The following ZNF229 variants were observed in gnomAD, a reference collection of about 807,000 sequenced individuals.
The protein encoded by ZNF229 is zinc finger protein 229.
In ZNF229, 10 loss-of-function variants were observed where a neutral mutation model predicts 11.8. The observed-to-expected ratio is 0.85, with a 90% confidence interval of 0.52 to 1.44. The LOEUF (loss-of-function observed/expected upper bound fraction) is 1.44, where lower values mean the gene tolerates loss of function less well. ZNF229 is among the 40% of genes most tolerant of loss of function. ZNF229 has a pLI of 0.00. For synonymous variants in ZNF229, 368 were observed against 374.8 expected, an observed-to-expected ratio of 0.98 and a Z score of 0.21; for missense variants, 1,045 against 1,015.1, an observed-to-expected ratio of 1.03 and a Z score of -0.40.
Position 44,429,836 on chromosome 19 carries a change from G to A in ZNF229, c.945C>T (p.Pro315=). 1.2e-6 allele frequency: 2 copies of A among 1,613,956 alleles called. No individual in the cohort carries two copies. Among genetic ancestry groups the A allele is most frequent in the South Asian group, 2.2e-5 (2 of 91,072 alleles). ...SAHLNRHQRV[P]TGEKSVKSLE... ...GACTCTTAACAGATTTCTCTCCTGT[G>A]GGAACTCTTTGATGTCTGTTAAGAT... The change falls in exon 6 of 6, where the codon CCC becomes CCT. Residue 315 remains proline (P), a synonymous_variant. Transcript: ENST00000614049.
chr19:44,429,296 G>C lies in ZNF229; in HGVS notation c.1485C>G (p.Gly495=). Residue 495 remains glycine, a synonymous_variant, in exon 6 of 6, where the codon GGC becomes GGG. Coordinates refer to ENST00000614049, the MANE Select transcript of ZNF229 (RefSeq NM_014518.4). ...GGTACGAGTTGTGACTGAAACCTTTGCCACACTTGTCACACTGGTAGGGCC... is the reference window on the plus strand; with the variant it reads ...GGTACGAGTTGTGACTGAAACCTTTCCCACACTTGTCACACTGGTAGGGCC... ...GERPYQCDKC[G]KGFSHNSYLQ... 6.2e-7 allele frequency: 1 copy of C among 1,613,800 alleles called. No individual in the cohort carries two copies. The highest frequency in any genetic ancestry group is 1.7e-5 in the Admixed American group (1 of 59,996).
At chr19:44,435,256 T>C (rs907913811) in intron 4 of ZNF229, among the ~76,000 whole-genome samples, 1 of 152,210 alleles carries the variant, frequency 6.6e-6, no homozygotes, top group African/African-American at 2.4e-5. Flanking sequence ...AGCTAGAGTT[T>C]CATGGAGCTA....
rs1971584091 is a variant in ZNF229 at position 44,426,939 on chromosome 19, T to C, written c.*1364A>G. 6.6e-6 allele frequency: 1 copy of C among 151,920 alleles called. No individual in the cohort carries two copies. Among genetic ancestry groups the C allele is most frequent in the Non-Finnish European group, 1.5e-5 (1 of 68,012 alleles). 9.4% of individuals were successfully genotyped at this position (151,920 alleles called of 1,614,324 possible). On this transcript the variant is annotated 3_prime_UTR_variant, in exon 6 of 6. Transcript: ENST00000614049. ...CTAGGTAATTTGCAAAGGAAAGAGGTTTAACTCACACACAGTTCCACATGG... is the reference window on the plus strand; with the variant it reads ...CTAGGTAATTTGCAAAGGAAAGAGGCTTAACTCACACACAGTTCCACATGG...
intron 2 of ZNF229, among the ~76,000 whole-genome samples, chr19:44,444,415 CT>C (rs2047064565): frequency 6.6e-6 from 1 of 152,194 alleles, no homozygotes; most frequent in African/African-American, 2.4e-5. Context: ...AAGCATCTTT[CT>C]CTCTCCCTCC....
chr19:44,429,836 G>T lies in ZNF229; in HGVS notation c.945C>A (p.Pro315=). The T allele has an allele frequency of 3.7e-6, 6 of 1,613,956 alleles. No homozygotes were observed. The highest frequency in any genetic ancestry group is 5.1e-6 in the Non-Finnish European group (6 of 1,179,982). The change falls in exon 6 of 6, where the codon CCC becomes CCA. Residue 315 remains proline (P), a synonymous_variant. Transcript: ENST00000614049. The part of the protein sequence containing the change: ...SAHLNRHQRV[P]TGEKSVKSLE... ...GACTCTTAACAGATTTCTCTCCTGT[G>T]GGAACTCTTTGATGTCTGTTAAGAT...
chr19:44,435,119 C>T (rs1390449380), intron 4 of ZNF229, among the ~76,000 whole-genome samples: 2 of 152,122 alleles, frequency 1.3e-5, no homozygotes, highest in African/African-American at 2.4e-5. Flanking sequence ...TACCCAGTCT[C>T]GAGTATGTCT....
At chr19:44,442,788 C>G (rs781252894) in intron 3 of ZNF229, 26 bp downstream of exon 3, 1 of 1,569,514 alleles carries the variant, frequency 6.4e-7, no homozygotes, top group East Asian at 2.2e-5. Flanking sequence ...ATTCTCCCCC[C>G]ACCCACCCCC....
Position 44,426,693 on chromosome 19 carries a change from A to C in ZNF229, c.*1610T>G, listed in dbSNP as rs1435038766. 2.0e-5 allele frequency: 3 copies of C among 152,020 alleles called. No homozygotes were observed. The highest frequency in any genetic ancestry group is 4.8e-5 in the African/African-American group (2 of 41,260). 9.4% of individuals were successfully genotyped at this position (152,020 alleles called of 1,614,324 possible). ...ACATTTGCTATTTTAAAAATGTTTTAAATTTAAAAACTCCACCTTCTGCAT... is the reference window on the plus strand; with the variant it reads ...ACATTTGCTATTTTAAAAATGTTTTCAATTTAAAAACTCCACCTTCTGCAT... On this transcript the variant is annotated 3_prime_UTR_variant, in exon 6 of 6. Transcript: ENST00000614049.
rs954325034 is a variant in ZNF229 at position 44,445,826 on chromosome 19, G to C, written c.-178+1687C>G. ...AATAAATATTTAAATGGGAGAACGG[G>C]AGTAACCTGAACTCAGCTTGCTGAT... On this transcript the variant is annotated intron_variant, in intron 2 of 5. Coordinates refer to ENST00000614049, the MANE Select transcript of ZNF229 (RefSeq NM_014518.4). 2.0e-5 allele frequency among the ~76,000 whole-genome samples: 3 copies of C among 152,322 alleles called. No individual in the cohort carries two copies. In the East Asian group the frequency reaches 5.8e-4, roughly 29 times the overall value.
rs909702784 is a variant in ZNF229 at position 44,430,498 on chromosome 19, A to G, written c.283T>C (p.Leu95=). The change falls in exon 6 of 6, where the codon TTA becomes CTA. Residue 95 remains leucine (L), a synonymous_variant. Transcript: ENST00000614049. The part of the protein sequence containing the change: ...KDTEYIQDEE[L]RFFSHKELSS... Reference sequence around the variant, plus strand: ...AGCTCTTTGTGTGAAAAGAACCTTAATTCTTCATCTTGAATATACTCCGTA... The same window carrying G: ...AGCTCTTTGTGTGAAAAGAACCTTAGTTCTTCATCTTGAATATACTCCGTA... 2 of 1,614,066 alleles carry G rather than the reference A, an allele frequency of 1.2e-6. No homozygotes were observed. Among genetic ancestry groups the G allele is most frequent in the African/African-American group, 2.7e-5 (2 of 74,980 alleles).
intron 2 of ZNF229, among the ~76,000 whole-genome samples, chr19:44,446,784 T>C (rs1972010072): frequency 6.6e-6 from 1 of 152,198 alleles, no homozygotes; most frequent in African/African-American, 2.4e-5. Context: ...AGGTGACCTT[T>C]GGTTGCAAAA....
chr19:44,432,188 A>C, intron 5 of ZNF229, 34 bp downstream of exon 5: 1 of 1,588,338 alleles, frequency 6.3e-7, no homozygotes, highest in Non-Finnish European at 8.5e-7. Flanking sequence ...CTCTCCAGGA[A>C]CAAGAACACT....
In ZNF229 at chr19:44,428,360, A is replaced by G. The variant is rs1466040804; in HGVS notation, c.2421T>C (p.Tyr807=). ...TCGVCGKGFS[Y]TSGLRNHQRV... is the part of the protein sequence containing the mutation. ...TTTGGTGGTTCCGCAGACCTGAGGTATAACTGAAGCCTTTCCCACACACAC... is the reference window on the plus strand; with the variant it reads ...TTTGGTGGTTCCGCAGACCTGAGGTGTAACTGAAGCCTTTCCCACACACAC... Residue 807 remains tyrosine, a synonymous_variant, in exon 6 of 6, where the codon TAT becomes TAC. Transcript: ENST00000614049. The G allele has an allele frequency of 6.2e-7, 1 of 1,614,082 alleles. No homozygotes were observed. Among genetic ancestry groups the G allele is most frequent in the Non-Finnish European group, 8.5e-7 (1 of 1,179,982 alleles).
chr19:44,430,406 A>T lies in ZNF229; in HGVS notation c.375T>A (p.Asn125Lys). 2 of 1,614,062 alleles carry T rather than the reference A, an allele frequency of 1.2e-6. No homozygotes were observed. The highest frequency in any genetic ancestry group is 2.2e-5 in the South Asian group (2 of 91,076). ...AGAACTGGAAGTCTTTTCCTTGCAG[A>T]TTTACTCTACAGTCTTGGCTCCCAG... is the stretch of plus-strand genomic sequence containing the variant. ...ELPGSQDCRVNLQGKDFQFSE... is the reference protein window; with the variant it reads ...ELPGSQDCRVKLQGKDFQFSE... The change falls in exon 6 of 6, where the codon AAT becomes AAA. Residue 125 changes from asparagine to lysine, a missense_variant. By Grantham distance (94) the Asn-to-Lys change is moderately conservative. Transcript: ENST00000614049.
Position 44,429,218 on chromosome 19 carries a change from C to A in ZNF229, c.1563G>T (p.Val521=), listed in dbSNP as rs1971654465. 4 of 1,614,044 alleles carry A rather than the reference C, an allele frequency of 2.5e-6. No homozygotes were observed. The highest frequency in any genetic ancestry group is 3.4e-6 in the Non-Finnish European group (4 of 1,180,032). ...AGCTGTAACTGAAACTCTTACCACACACGTTACATTTGTACAGATGCTGCC... is the reference window on the plus strand; with the variant it reads ...AGCTGTAACTGAAACTCTTACCACAAACGTTACATTTGTACAGATGCTGCC... ...HMGQHLYKCN[V]CGKSFSYSSG... is the part of the protein sequence containing the mutation. The change falls in exon 6 of 6, where the codon GTG becomes GTT. Residue 521 remains valine (V), a synonymous_variant. Coordinates refer to ENST00000614049, the MANE Select transcript of ZNF229 (RefSeq NM_014518.4).
Position 44,429,042 on chromosome 19 carries a change from C to T in ZNF229, c.1739G>A (p.Gly580Asp). ...KPYKCSECGK[G>D]FRRNSDLHSH... ...GTGAAGGTCTGAATTCCGCCGGAAG[C>T]CCTTCCCACACTCACTGCATTTATA... is the stretch of plus-strand genomic sequence containing the variant. The change falls in exon 6 of 6, where the codon GGC (glycine) becomes GAC (aspartate). Residue 580 changes from glycine (G) to aspartate (D), a missense_variant. Coordinates refer to ENST00000614049, the MANE Select transcript of ZNF229 (RefSeq NM_014518.4). The T allele has an allele frequency of 1.2e-6, 2 of 1,613,892 alleles. No individual in the cohort carries two copies. Among genetic ancestry groups the T allele is most frequent in the Non-Finnish European group, 8.5e-7 (1 of 1,179,948 alleles).
In ZNF229 at chr19:44,428,461, C is replaced by T; in HGVS notation, c.2320G>A (p.Gly774Arg). ...GEKPYKCEEC[G>R]KGFGRNSCLH... ...CAGGAGTTGCGGCCAAAGCCCTTCC[C>T]ACACTCCTCACATTTATAGGGTTTC... Residue 774 changes from glycine (G) to arginine (R), a missense_variant, in exon 6 of 6, where the codon GGG becomes AGG. Transcript: ENST00000614049. The T allele has an allele frequency of 6.2e-7, 1 of 1,614,020 alleles. No individual in the cohort carries two copies. The highest frequency in any genetic ancestry group is 8.5e-7 in the Non-Finnish European group (1 of 1,180,014).
Position 44,447,598 on chromosome 19 carries a change from A to G in ZNF229, c.-263T>C, listed in dbSNP as rs1972024309. 1 of 152,216 alleles carries G rather than the reference A, an allele frequency of 6.6e-6. No homozygotes were observed. Among genetic ancestry groups the G allele is most frequent in the Admixed American group, 6.5e-5 (1 of 15,284 alleles). 9.4% of individuals were successfully genotyped at this position (152,216 alleles called of 1,614,324 possible). On this transcript the variant is annotated splice_region_variant and 5_prime_UTR_variant, in exon 2 of 6. Transcript: ENST00000614049. ...GAGAAACGAACAATTCCAAGAAGGA[A>G]GCCTGTGAAAGAAAAATGAACAGCA... is the stretch of plus-strand genomic sequence containing the variant.
intron 2 of ZNF229, among the ~76,000 whole-genome samples, chr19:44,445,682 T>A (rs1454382674): frequency 6.6e-6 from 1 of 152,188 alleles, no homozygotes; most frequent in Admixed American, 6.5e-5. Flanking sequence ...TTTTTCTCCA[T>A]GAAACTGACA....
Sources: allele counts gnomAD v4.1 joint callset (sites outside exome capture counted in the v4.1 genomes callset), GRCh38; gene constraint gnomAD v4.1.1; transcripts MANE v1.5; gene names NCBI Gene and HGNC (gene_info 2026-07-23, HGNC 2026-07-21).